The following UBE3A variants were observed in gnomAD, a reference collection of about 807,000 sequenced individuals.
UBE3A encodes the protein ubiquitin protein ligase E3A.
A neutral mutation model predicts 83.4 loss-of-function variants in UBE3A; 6 were observed. That is an observed-to-expected ratio of 0.07 (90% CI 0.04 to 0.14). The LOEUF (loss-of-function observed/expected upper bound fraction) is 0.14, where lower values mean the gene tolerates loss of function less well. Among genes scored for constraint, UBE3A ranks in the 10% least tolerant of loss-of-function variants. The pLI, the probability that UBE3A is intolerant of heterozygous loss-of-function variation, is 1.00. For missense variants in UBE3A, 456 were observed against 1,036.1 expected (o/e 0.44, Z 7.69); for synonymous variants, 337 against 355.4 (o/e 0.95, Z 0.58).
At chr15:25,350,939 G>A (rs1305203823) in intron 11 of UBE3A, among the ~76,000 whole-genome samples, 2 of 152,126 alleles carry the variant, frequency 1.3e-5, no homozygotes, top group African/African-American at 4.8e-5. Context: ...GGGAAAACAT[G>A]GGAACTCTGT....
chr15:25,354,360 G>A lies in UBE3A; in HGVS notation c.2347C>T (p.Leu783=). 6.2e-7 allele frequency: 1 copy of A among 1,613,174 alleles called. No individual in the cohort carries two copies. The highest frequency in any genetic ancestry group is 2.2e-5 in the East Asian group (1 of 44,834). ...AAGAACTAAGTACCTCACCTAATCA[G>A]AACAGAGTCCCTGGTATAGCCACCG... ...YDGGYTRDSV[L]IREFWEIVHS... Residue 783 remains leucine (L), a synonymous_variant, in exon 11 of 13, where the codon CTG becomes TTG. Transcript: ENST00000648336.
intron 3 of UBE3A, chr15:25,408,520 C>A: frequency 1.4e-6 from 2 of 1,430,040 alleles, no homozygotes; most frequent in Non-Finnish European, 2.0e-6. Flanking sequence ...GAATGAGAAT[C>A]AATTTTAGGT....
At chr15:25,356,514 C>T (rs2077234189) in intron 8 of UBE3A, among the ~76,000 whole-genome samples, 177 bp downstream of exon 8, 2 of 152,254 alleles carry the variant, frequency 1.3e-5, no homozygotes, top group South Asian at 4.2e-4. Context: ...ATAAAAATGT[C>T]CCCCTTTGAG....
intron 4 of UBE3A, among the ~76,000 whole-genome samples, chr15:25,397,291 A>G (rs1276551682): frequency 6.6e-6 from 1 of 152,224 alleles, no homozygotes; most frequent in Admixed American, 6.5e-5. Context: ...AACAGTAAGA[A>G]AGCTTGCTTA....
At chr15:25,390,870 T>A (rs2084191954) in intron 4 of UBE3A, among the ~76,000 whole-genome samples, 1 of 151,782 alleles carries the variant, frequency 6.6e-6, no homozygotes, top group African/African-American at 2.4e-5. Flanking sequence ...AATCCATACA[T>A]GTGTGTGGAA....
Position 25,364,641 on chromosome 15 carries a change from G to GTT in UBE3A, c.1609-4116_1609-4115dup, listed in dbSNP as rs1260418313. On this transcript the variant is annotated intron_variant, in intron 6 of 12. Transcript: ENST00000648336. ...CACGTGGATTTTTAGGGTTTTTTTT[G>GTT]TTTGTTTTTTTTTTTTTTTTGAGAC... Among the ~76,000 whole-genome samples, 651 of 132,424 alleles carry GTT rather than the reference G, an allele frequency of 4.9e-3. 26 individuals carry two copies. Among genetic ancestry groups the GTT allele is most frequent in the African/African-American group, 0.019 (615 of 32,406 alleles). The allele number at this position is 132,424 out of a possible 152,430, so 86.9% of individuals were successfully genotyped here.
intron 4 of UBE3A, among the ~76,000 whole-genome samples, chr15:25,389,686 G>A (rs1446522456): frequency 2.6e-5 from 4 of 152,106 alleles, no homozygotes; most frequent in East Asian, 1.9e-4. Context: ...TCAGGAGGTC[G>A]AGACCAGCCT....
rs1264187831 is a variant in UBE3A at position 25,435,790 on chromosome 15, T to C, written c.-165+2699A>G. Among the ~76,000 whole-genome samples the C allele has an allele frequency of 2.6e-5, 4 of 152,298 alleles. No homozygotes were observed. In the East Asian group the frequency reaches 7.7e-4, roughly 29 times the overall value. On this transcript the variant is annotated intron_variant, in intron 1 of 12. Coordinates refer to ENST00000648336, the MANE Select transcript of UBE3A (RefSeq NM_130839.5). ...GACTAAGACATCTAGTAACACATTC[T>C]CTGGTAAACACTAGGAATTCCTGGC...
chr15:25,364,647 T>G lies in UBE3A; in HGVS notation c.1609-4120A>C, dbSNP rs1276515567. Among the ~76,000 whole-genome samples the G allele has an allele frequency of 2.1e-3, 256 of 122,524 alleles. 1 individual carries two copies. Among genetic ancestry groups the G allele is most frequent in the African/African-American group, 7.8e-3 (240 of 30,744 alleles). The allele number at this position is 122,524 out of a possible 152,430, so 80.4% of individuals were successfully genotyped here. A position where few individuals can be genotyped will look rare whatever the true frequency, so the allele number is the denominator to read the frequency against. The stretch of plus-strand genomic sequence containing the variant: ...GATTTTTAGGGTTTTTTTTGTTTGT[T>G]TTTTTTTTTTTTTTGAGACGGAGTC... On this transcript the variant is annotated intron_variant, in intron 6 of 12. Coordinates refer to ENST00000648336, the MANE Select transcript of UBE3A (RefSeq NM_130839.5).
intron 4 of UBE3A, among the ~76,000 whole-genome samples, chr15:25,399,199 A>C (rs982653258): frequency 6.6e-6 from 1 of 151,918 alleles, no homozygotes; most frequent in Non-Finnish European, 1.5e-5. Flanking sequence ...GAAGCTTTTT[A>C]GTTTGATGTG....
intron 1 of UBE3A, among the ~76,000 whole-genome samples, chr15:25,434,969 TACACACACACACACACACACACACAC>T (rs55856025): frequency 2.8e-5 from 4 of 142,886 alleles, no homozygotes; most frequent in Admixed American, 7.0e-5. Context: ...TCTATATACA[TACACACACACACACACACACACACAC>T]ACACACACAC....
chr15:25,420,980 G>C (rs1889541029), intron 1 of UBE3A, among the ~76,000 whole-genome samples: 1 of 152,188 alleles, frequency 6.6e-6, no homozygotes, highest in Admixed American at 6.5e-5. Flanking sequence ...CAACCTTAAA[G>C]AATCAAATTT....
chr15:25,415,548 C>T (rs961607499), intron 1 of UBE3A, among the ~76,000 whole-genome samples: 1 of 152,262 alleles, frequency 6.6e-6, no homozygotes, highest in African/African-American at 2.4e-5. Flanking sequence ...ATCCCCCACC[C>T]ACCTATCATG....
rs1055822466 is a variant in UBE3A, at chr15:25,371,040, T to C, written c.1134A>G (p.Ala378=). The part of the protein sequence containing the change: ...ASKCLKMVYY[A]NVVGGEVDTN... ...TGTCCACTTCCCCTCCCACTACATT[T>C]GCATAGTAAACCATTTTCAAGCACT... Residue 378 remains alanine, a synonymous_variant, in exon 6 of 13, where the codon GCA becomes GCG. Coordinates refer to ENST00000648336, the MANE Select transcript of UBE3A (RefSeq NM_130839.5). This position sits in a 1 kb window ranked among gnomAD's most constrained non-coding sequence, Gnocchi z 5.3. 1.2e-6 allele frequency: 2 copies of C among 1,613,972 alleles called. No homozygotes were observed. Among genetic ancestry groups the C allele is most frequent in the Admixed American group, 3.3e-5 (2 of 59,982 alleles).
chr15:25,396,292 C>G (rs1357939275), intron 4 of UBE3A, among the ~76,000 whole-genome samples: 1 of 151,882 alleles, frequency 6.6e-6, no homozygotes, highest in African/African-American at 2.4e-5. Context: ...GATTCTACAA[C>G]ACGGTATTTA....
At chr15:25,341,783 CAA>C (rs60827150) in intron 11 of UBE3A, among the ~76,000 whole-genome samples, 13,463 of 81,512 alleles carry the variant, frequency 0.17, 760 homozygotes, top group Middle Eastern at 0.33. Flanking sequence ...AATTTCATCT[CAA>C]AAAAAAAAAA....
intron 4 of UBE3A, among the ~76,000 whole-genome samples, chr15:25,404,236 T>TA (rs146350677): frequency 0.053 from 8,024 of 152,174 alleles, 572 homozygotes; most frequent in East Asian, 0.38. Context: ...ATATTTTCAG[T>TA]AAAAAAATCT....
At chr15:25,431,956 A>G (rs905796728) in intron 1 of UBE3A, among the ~76,000 whole-genome samples, 3 of 152,198 alleles carry the variant, frequency 2.0e-5, no homozygotes, top group Non-Finnish European at 2.9e-5. Flanking sequence ...GAAATAACCC[A>G]TATTTCCCCT....
chr15:25,408,537 T>G (rs541661536), intron 3 of UBE3A: 3 of 1,548,344 alleles, frequency 1.9e-6, no homozygotes, highest in Admixed American at 3.3e-5. Flanking sequence ...AGGTCTTGAT[T>G]TGAATCGCAG....
Sources: allele counts gnomAD v4.1 joint callset (sites outside exome capture counted in the v4.1 genomes callset), GRCh38; gene constraint gnomAD v4.1.1; non-coding constraint Gnocchi (gnomAD v3.1); transcripts MANE v1.5; gene names NCBI Gene and HGNC (gene_info 2026-07-23, HGNC 2026-07-21).